SCO1: variants seen among roughly 807,000 people sequenced by gnomAD.
SCO1 encodes the protein cytochrome c oxidase assembly factor SCO1.
SCO1 carries 23 observed loss-of-function variants against 34.0 expected under a neutral mutation model. That is an observed-to-expected ratio of 0.68 (90% CI 0.49 to 0.96). SCO1 has a LOEUF of 0.96. SCO1 is among the 40% of genes least tolerant of loss of function. The probability of loss-of-function intolerance (pLI) is 0.00; values close to 1 mark genes in which losing one functional copy is unlikely to be tolerated. For missense variants in SCO1, 404 were observed against 381.6 expected (o/e 1.06, Z -0.49); for synonymous variants, 161 against 145.5 (o/e 1.11, Z -0.77).
intron 2 of SCO1, among the ~76,000 whole-genome samples, chr17:10,695,020 T>C (rs2074713031): frequency 6.6e-6 from 1 of 152,186 alleles, no homozygotes; most frequent in Admixed American, 6.5e-5. Flanking sequence ...CTAAACCAAA[T>C]CTTAAAAGTC....
chr17:10,689,366 C>T (rs2074677410), intron 4 of SCO1, among the ~76,000 whole-genome samples: 2 of 152,084 alleles, frequency 1.3e-5, no homozygotes, highest in Non-Finnish European at 2.9e-5. Flanking sequence ...CTTCATAAAA[C>T]ATATTTTTAA....
chr17:10,694,984 ATACTT>A (rs1257477059), intron 2 of SCO1, among the ~76,000 whole-genome samples: 1 of 152,234 alleles, frequency 6.6e-6, no homozygotes, highest in African/African-American at 2.4e-5. Context: ...GATTTAAGCA[ATACTT>A]TAAAGATTTA....
rs1454012366 is a variant in SCO1, at chr17:10,678,401, A to G, written c.*2718T>C. The stretch of plus-strand genomic sequence containing the variant: ...TCTAACATTCTGACTTCAAGCCTTT[A>G]AACTTGACACTAGAATGAAGAACAA... On this transcript the variant is annotated 3_prime_UTR_variant, in exon 6 of 6. Coordinates refer to ENST00000255390, the MANE Select transcript of SCO1 (RefSeq NM_004589.4). 1.3e-5 allele frequency: 2 copies of G among 152,210 alleles called. No homozygotes were observed. The highest frequency in any genetic ancestry group is 2.9e-5 in the Non-Finnish European group (2 of 68,028). 9.4% of individuals were successfully genotyped at this position (152,210 alleles called of 1,614,324 possible).
chr17:10,690,422 C>A (rs1304710881), intron 4 of SCO1, among the ~76,000 whole-genome samples: 1 of 152,086 alleles, frequency 6.6e-6, no homozygotes, highest in African/African-American at 2.4e-5. Flanking sequence ...AGATGGCCAA[C>A]AAGTATATGA....
intron 4 of SCO1, among the ~76,000 whole-genome samples, chr17:10,687,355 C>A (rs2074663042): frequency 6.6e-6 from 1 of 152,114 alleles, no homozygotes; most frequent in African/African-American, 2.4e-5. Context: ...ACTAGTCATC[C>A]CCAAAACGCA....
rs114623832 is a variant in SCO1, at chr17:10,690,562, A to C, written c.655+1310T>G. On this transcript the variant is annotated intron_variant, in intron 4 of 5. Coordinates refer to ENST00000255390, the MANE Select transcript of SCO1 (RefSeq NM_004589.4). ...CAAATGCTGACAATGATTCAGAACA[A>C]AGATACCTCACACACACCATTGATG... is the stretch of plus-strand genomic sequence containing the variant. 4.4e-3 allele frequency among the ~76,000 whole-genome samples: 667 copies of C among 152,372 alleles called. 2 individuals carry two copies. Among genetic ancestry groups the C allele is most frequent in the African/African-American group, 0.015 (616 of 41,578 alleles).
chr17:10,697,479 C>A lies in SCO1; in HGVS notation c.29G>T (p.Arg10Leu), dbSNP rs770075115. The change falls in exon 1 of 6, where the codon CGA becomes CTA. Residue 10 changes from arginine (R) to leucine (L), a missense_variant. Arg to Leu is a moderately radical substitution (Grantham distance 102). Coordinates refer to ENST00000255390, the MANE Select transcript of SCO1 (RefSeq NM_004589.4). ...TTGGCCACCCAGAGGCCGCATAACT[C>A]GTCCGGGTACTAGGACCAGCATCGC... is the stretch of plus-strand genomic sequence containing the variant. MAMLVLVPG[R>L]VMRPLGGQLW... The A allele has an allele frequency of 2.3e-5, 37 of 1,613,358 alleles. No individual in the cohort carries two copies. In the East Asian group the frequency reaches 8.0e-4, roughly 35 times the overall value.
intron 1 of SCO1, among the ~76,000 whole-genome samples, chr17:10,696,853 G>C (rs967257620): frequency 6.6e-6 from 1 of 152,136 alleles, no homozygotes; most frequent in Non-Finnish European, 1.5e-5. Context: ...CGTATACATG[G>C]AACTCTGGAT....
rs781308115 is a variant in SCO1 at position 10,681,096 on chromosome 17, T to C, written c.*23A>G. Reference sequence around the variant, plus strand: ...TTCCTTCCTCTTAGCAAGAGAATACTGCATCCAGCAACACTGCTTTGGCTA... The same window carrying C: ...TTCCTTCCTCTTAGCAAGAGAATACCGCATCCAGCAACACTGCTTTGGCTA... On this transcript the variant is annotated 3_prime_UTR_variant, in exon 6 of 6. Transcript: ENST00000255390. 3 of 1,614,184 alleles carry C rather than the reference T, an allele frequency of 1.9e-6. No homozygotes were observed. In the South Asian group the frequency reaches 3.3e-5, roughly 18 times the overall value.
chr17:10,687,544 A>G (rs2074664295), intron 4 of SCO1, among the ~76,000 whole-genome samples: 1 of 152,216 alleles, frequency 6.6e-6, no homozygotes, highest in Admixed American at 6.5e-5. Context: ...ACAGAAGCCA[A>G]TTTTTGTTCC....
At position 10,680,504 on chromosome 17, in the gene SCO1, A is replaced by T. The variant is rs2074614784; in HGVS notation, c.*615T>A. On this transcript the variant is annotated 3_prime_UTR_variant, in exon 6 of 6. Transcript: ENST00000255390. ...AAATCACATAAAAGAACCCCTAGAG[A>T]AATCAAACTGATGTTTTTTTTCCCC... 1 of 158,292 alleles carries T rather than the reference A, an allele frequency of 6.3e-6. No individual in the cohort carries two copies. The highest frequency in any genetic ancestry group is 1.4e-5 in the Non-Finnish European group (1 of 71,380). The allele number at this position is 158,292 out of a possible 1,614,324, so 9.8% of individuals were successfully genotyped here.
At chr17:10,695,934 T>C in intron 1 of SCO1, 103 bp from the exon 2 acceptor site, 1 of 814,716 alleles carries the variant, frequency 1.2e-6, no homozygotes, top group Non-Finnish European at 2.1e-6. Flanking sequence ...ACACAGGCCA[T>C]GATGTTAAAT....
At chr17:10,690,545 G>A (rs76941936) in intron 4 of SCO1, among the ~76,000 whole-genome samples, 22 of 152,274 alleles carry the variant, frequency 1.4e-4, no homozygotes, top group Non-Finnish European at 2.6e-4. Flanking sequence ...AACAAATGCT[G>A]ACAATGATTC....
intron 1 of SCO1, 69 bp from the exon 2 acceptor site, chr17:10,695,900 T>A: frequency 8.4e-7 from 1 of 1,196,136 alleles, no homozygotes; most frequent in Non-Finnish European, 1.2e-6. Context: ...ACAAACTTAT[T>A]AAAGTAGTTT....
rs1802083 is a variant in SCO1 at position 10,697,336 on chromosome 17, G to A, written c.172C>T (p.Pro58Ser). The change falls in exon 1 of 6, where the codon CCT (proline) becomes TCT (serine). Residue 58 changes from proline (P) to serine (S), a missense_variant. Pro to Ser is a moderately conservative substitution (Grantham distance 74). Transcript: ENST00000255390. Reference sequence around the variant, plus strand: ...GGCCGGGTTCCCAGGCAATAGCCAGGGCGCCCCGAGGCACGCCACGCCTCC... The same window carrying A: ...GGCCGGGTTCCCAGGCAATAGCCAGAGCGCCCCGAGGCACGCCACGCCTCC... ...QAEAWRASGR[P>S]GYCLGTRPLS... 9.9e-3 allele frequency: 15,603 copies of A among 1,574,016 alleles called. 1,203 individuals carry two copies. In the African/African-American group the frequency reaches 0.18, roughly 18 times the overall value.
chr17:10,694,432 G>T (rs1257078842), intron 2 of SCO1, among the ~76,000 whole-genome samples: 1 of 151,330 alleles, frequency 6.6e-6, no homozygotes, highest in Non-Finnish European at 1.5e-5. Flanking sequence ...GTGAAACTCT[G>T]TCTCAAAAAA....
chr17:10,689,048 G>A (rs890894568), intron 4 of SCO1, among the ~76,000 whole-genome samples: 9 of 130,444 alleles, frequency 6.9e-5, no homozygotes, highest in Admixed American at 1.6e-4. Context: ...CCCGGGAGGC[G>A]GAGCTTGCAG....
Position 10,677,874 on chromosome 17 carries a change from TG to T in SCO1, c.*3244del, listed in dbSNP as rs1396865041. On this transcript the variant is annotated 3_prime_UTR_variant, in exon 6 of 6. Transcript: ENST00000255390. Reference sequence around the variant, plus strand: ...GCTCACACCTGTAATCCCAGCACTTTGGGAGGCCGAGGCGGCGGATCACCTG... The same window carrying T: ...GCTCACACCTGTAATCCCAGCACTTTGGAGGCCGAGGCGGCGGATCACCTG... The T allele has an allele frequency of 1.3e-5, 2 of 152,312 alleles. No individual in the cohort carries two copies. Among genetic ancestry groups the T allele is most frequent in the Admixed American group, 6.5e-5 (1 of 15,284 alleles). 9.4% of individuals were successfully genotyped at this position (152,312 alleles called of 1,614,324 possible).
chr17:10,696,192 C>T (rs754167803), intron 1 of SCO1, among the ~76,000 whole-genome samples: 25 of 151,246 alleles, frequency 1.7e-4, no homozygotes, highest in Non-Finnish European at 3.1e-4. Context: ...CGCCTGTAAT[C>T]CCAGCACTTT....
Sources: gnomAD v4.1 joint callset for allele counts (sites outside exome capture counted in the v4.1 genomes callset) on GRCh38, gnomAD v4.1.1 for gene constraint, MANE v1.5 for transcripts, NCBI Gene and HGNC (gene_info 2026-07-23, HGNC 2026-07-21) for gene names.